Variants in ITPR1 observed in about 807,000 individuals in gnomAD.
ITPR1 encodes inositol 1,4,5-trisphosphate receptor type 1, also known as inositol 1,4,5-trisphosphate-gated calcium channel ITPR1.
Under a neutral mutation model 318.4 loss-of-function variants are expected in ITPR1, and 96 were observed. The observed-to-expected ratio is 0.30, with a 90% confidence interval of 0.26 to 0.36. ITPR1 has a LOEUF of 0.36. ITPR1 is among the 10% of genes least tolerant of loss of function. The pLI, the probability that ITPR1 is intolerant of heterozygous loss-of-function variation, is 1.00. For synonymous variants in ITPR1, 1,312 were observed against 1,289.9 expected (o/e 1.02, Z -0.37); for missense variants, 2,440 against 3,460.2 (o/e 0.71, Z 7.40).
At chr3:4,553,062 A>G (rs564711164) in intron 4 of ITPR1, among the ~76,000 whole-genome samples, 2 of 152,330 alleles carry the variant, frequency 1.3e-5, no homozygotes, top group East Asian at 3.9e-4. Context: ...TTTCATCACA[A>G]AAGCATGTTG....
At chr3:4,818,676 G>C (rs573579672) in intron 60 of ITPR1, among the ~76,000 whole-genome samples, 5 of 152,152 alleles carry the variant, frequency 3.3e-5, no homozygotes, top group Non-Finnish European at 7.3e-5. Context: ...AGCATGGTTT[G>C]TGTTTGCCCT....
intron 39 of ITPR1, among the ~76,000 whole-genome samples, chr3:4,715,680 C>T (rs1189077008): frequency 6.6e-6 from 1 of 152,132 alleles, no homozygotes; most frequent in Non-Finnish European, 1.5e-5. Context: ...TGGAGAAACC[C>T]CGTCTCTACT....
At position 4,727,155 on chromosome 3, in the gene ITPR1, G is replaced by C. The variant is rs139987461; in HGVS notation, c.5202G>C (p.Gln1734His). 562 of 1,597,838 alleles carry C rather than the reference G, an allele frequency of 3.5e-4. 3 individuals carry two copies. The African/African-American group carries it at 6.7e-3, about 19-fold the overall frequency. ...EELEPSPPLRQLEDHKRGEAL... is the reference protein window; with the variant it reads ...EELEPSPPLRHLEDHKRGEAL... ...TTGAACCAAGTCCACCCCTGCGGCA[G>C]CTGGAAGACCATAAAAGGGTACGTA... The change falls in exon 42 of 62, where the codon CAG becomes CAC. Residue 1734 changes from glutamine (Q) to histidine (H), a missense_variant. Physicochemically the swap from Gln to His is conservative, Grantham distance 24. Transcript: ENST00000649015.
At chr3:4,844,288 A>AT (rs577953715) in intron 61 of ITPR1, among the ~76,000 whole-genome samples, 1 of 151,770 alleles carries the variant, frequency 6.6e-6, no homozygotes, top group Non-Finnish European at 1.5e-5. Flanking sequence ...TGCCTAGCTA[A>AT]TTTTTTTTCC....
At chr3:4,516,110 A>G (rs994426508) in intron 2 of ITPR1, among the ~76,000 whole-genome samples, 1 of 152,212 alleles carries the variant, frequency 6.6e-6, no homozygotes, top group Admixed American at 6.5e-5. Context: ...TTCATAAGTC[A>G]GACTTTCCAG....
chr3:4,654,324 G>A (rs1416160721), intron 12 of ITPR1, among the ~76,000 whole-genome samples: 2 of 152,208 alleles, frequency 1.3e-5, no homozygotes, highest in African/African-American at 4.8e-5. Context: ...TAACACATGA[G>A]GCTTAGTGCA....
At chr3:4,623,879 AT>A (rs776818855) in intron 4 of ITPR1, among the ~76,000 whole-genome samples, 288 of 152,318 alleles carry the variant, frequency 1.9e-3, no homozygotes, top group Non-Finnish European at 2.9e-3. Flanking sequence ...ATGCAATGCA[AT>A]ACTCTGTTTC....
intron 14 of ITPR1, 88 bp downstream of exon 14, chr3:4,661,175 G>A (rs1166996766): frequency 1.6e-5 from 11 of 680,860 alleles, no homozygotes; most frequent in East Asian, 1.2e-4. Context: ...AGTATGGAGC[G>A]TGGAGATTTG....
intron 6 of ITPR1, among the ~76,000 whole-genome samples, chr3:4,640,550 T>A (rs536733242): frequency 6.6e-6 from 1 of 152,334 alleles, no homozygotes; most frequent in South Asian, 2.1e-4. Context: ...GTACAGGACT[T>A]CCTGATTTGG....
At chr3:4,527,491 T>A (rs958055886) in intron 4 of ITPR1, among the ~76,000 whole-genome samples, 5 of 152,192 alleles carry the variant, frequency 3.3e-5, no homozygotes, top group Non-Finnish European at 7.4e-5. Flanking sequence ...AATGCACTTT[T>A]AGCCATTGCC....
chr3:4,507,154 C>A (rs2081452508), intron 2 of ITPR1, among the ~76,000 whole-genome samples: 1 of 148,970 alleles, frequency 6.7e-6, no homozygotes, highest in African/African-American at 2.5e-5. Context: ...CAGAACATAG[C>A]CGGATTCACA....
intron 4 of ITPR1, among the ~76,000 whole-genome samples, chr3:4,531,450 G>T (rs563114449): frequency 6.6e-6 from 1 of 152,054 alleles, no homozygotes. Flanking sequence ...CCAATCCACC[G>T]TTTACTGCGG....
intron 4 of ITPR1, among the ~76,000 whole-genome samples, chr3:4,526,320 T>C (rs1195312001): frequency 6.6e-6 from 1 of 152,212 alleles, no homozygotes; most frequent in Admixed American, 6.5e-5. Flanking sequence ...TTCATATGAA[T>C]TGGGGAGGGG....
intron 4 of ITPR1, among the ~76,000 whole-genome samples, chr3:4,528,856 T>G (rs2083190530): frequency 6.6e-6 from 1 of 152,262 alleles, no homozygotes. Context: ...AATAGTTTTT[T>G]GTAATCTTCA....
chr3:4,830,756 G>A (rs969527349), intron 60 of ITPR1, among the ~76,000 whole-genome samples: 2 of 152,118 alleles, frequency 1.3e-5, no homozygotes, highest in Non-Finnish European at 2.9e-5. Flanking sequence ...TCGCCTCCTT[G>A]CGTCTTCCCA....
intron 60 of ITPR1, among the ~76,000 whole-genome samples, chr3:4,836,507 G>T (rs1475461683): frequency 6.6e-6 from 1 of 152,126 alleles, no homozygotes; most frequent in East Asian, 1.9e-4. Context: ...CAGATTTGGA[G>T]ATTAGGACTC....
rs1029855734 is a variant in ITPR1, at chr3:4,735,519, T to G, written c.5544+165T>G. 25 of 596,034 alleles carry G rather than the reference T, an allele frequency of 4.2e-5. 1 individual carries two copies. Among genetic ancestry groups the G allele is most frequent in the Middle Eastern group, 4.4e-4 (1 of 2,266 alleles). The allele number at this position is 596,034 out of a possible 1,614,324, so 36.9% of individuals were successfully genotyped here. A position where few individuals can be genotyped will look rare whatever the true frequency, so the allele number is the denominator to read the frequency against. Reference sequence around the variant, plus strand: ...AATGAGTTCTGCTAGTATCCTGCTGTGATCATTTGGTCATAAATCAGACTT... The same window carrying G: ...AATGAGTTCTGCTAGTATCCTGCTGGGATCATTTGGTCATAAATCAGACTT... On this transcript the variant is annotated intron_variant, in intron 44 of 61. Transcript: ENST00000649015.
chr3:4,509,472 G>T (rs1035347663), intron 2 of ITPR1, among the ~76,000 whole-genome samples: 1 of 152,168 alleles, frequency 6.6e-6, no homozygotes, highest in African/African-American at 2.4e-5. Flanking sequence ...TGTAAATTTG[G>T]CTTTAATTTG....
At chr3:4,587,993 C>A (rs1166842191) in intron 4 of ITPR1, among the ~76,000 whole-genome samples, 1 of 152,008 alleles carries the variant, frequency 6.6e-6, no homozygotes, top group African/African-American at 2.4e-5. Context: ...GCCAAGCCTG[C>A]TCTGTTAAGA....
Sources: gnomAD v4.1 joint callset for allele counts (sites outside exome capture counted in the v4.1 genomes callset) on GRCh38, gnomAD v4.1.1 for gene constraint, MANE v1.5 for transcripts, NCBI Gene and HGNC (gene_info 2026-07-23, HGNC 2026-07-21) for gene names.